The following TMPRSS15 variants were observed in gnomAD, a reference collection of about 807,000 sequenced individuals.
TMPRSS15 encodes the protein transmembrane serine protease 15, also known as enteropeptidase.
A neutral mutation model predicts 125.3 loss-of-function variants in TMPRSS15; 128 were observed. The ratio of observed to expected loss-of-function variants is 1.02; its 90% CI spans 0.89 to 1.18. The LOEUF (loss-of-function observed/expected upper bound fraction) is 1.18. TMPRSS15 is among the 50% of genes most tolerant of loss of function. The pLI is 0.00. For synonymous variants in TMPRSS15, 446 were observed against 423.2 expected, an observed-to-expected ratio of 1.05 and a Z score of -0.66; for missense variants, 1,283 against 1,212.7, an observed-to-expected ratio of 1.06 and a Z score of -0.86.
At chr21:18,416,947 C>A (rs945289899) in intron 1 of TMPRSS15, among the ~76,000 whole-genome samples, 1 of 152,000 alleles carries the variant, frequency 6.6e-6, no homozygotes, top group African/African-American at 2.4e-5. Context: ...TGGCAGTCAA[C>A]GTCAACTGTC....
At chr21:18,470,555 C>T (rs1221705094) in intron 1 of TMPRSS15, among the ~76,000 whole-genome samples, 5 of 152,056 alleles carry the variant, frequency 3.3e-5, no homozygotes, top group African/African-American at 1.2e-4. Flanking sequence ...AGCAGTATAT[C>T]TGAAAGTTTT....
Position 18,476,895 on chromosome 21 carries a change from TTCTC to T in TMPRSS15, c.10+8900_10+8903del, listed in dbSNP as rs74681988. 1.8e-3 allele frequency among the ~76,000 whole-genome samples: 276 copies of T among 150,072 alleles called. 2 individuals are homozygous for T. The highest frequency in any genetic ancestry group is 3.4e-3 in the Middle Eastern group (1 of 292). ...GTGCAGTGAGTGGGTACTTCTGCAATTCTCTCTCTCTTTTTTTTTTTATTCCAAT... is the reference window on the plus strand; with the variant it reads ...GTGCAGTGAGTGGGTACTTCTGCAATTCTCTCTTTTTTTTTTTATTCCAAT... On this transcript the variant is annotated intron_variant, in intron 1 of 7. Coordinates refer to the TMPRSS15 transcript ENST00000422787.
intron 1 of TMPRSS15, among the ~76,000 whole-genome samples, chr21:18,437,316 A>T (rs902700713): frequency 3.3e-5 from 5 of 152,130 alleles, no homozygotes; most frequent in Non-Finnish European, 7.3e-5. Flanking sequence ...TCTTATACAA[A>T]AATTAATTCA....
At chr21:18,475,637 C>G (rs759008891) in intron 1 of TMPRSS15, among the ~76,000 whole-genome samples, 1 of 152,010 alleles carries the variant, frequency 6.6e-6, no homozygotes, top group South Asian at 2.1e-4. Flanking sequence ...CCAGTCATTT[C>G]AAAAAGAGGG....
chr21:18,408,773 G>T (rs1177791793), upstream of TMPRSS15, among the ~76,000 whole-genome samples: 2 of 152,008 alleles, frequency 1.3e-5, no homozygotes, highest in Admixed American at 6.6e-5. Context: ...TATCATTGAG[G>T]ATTCTTAAGT....
At chr21:18,372,837 C>T (rs952785544) in intron 5 of TMPRSS15, among the ~76,000 whole-genome samples, 1 of 152,208 alleles carries the variant, frequency 6.6e-6, no homozygotes, top group Non-Finnish European at 1.5e-5. Flanking sequence ...AAACTTGCAC[C>T]TCTCAGCCTG....
intron 17 of TMPRSS15, among the ~76,000 whole-genome samples, chr21:18,313,496 A>G (rs1028522989): frequency 2.0e-5 from 3 of 151,664 alleles, no homozygotes; most frequent in African/African-American, 7.2e-5. Flanking sequence ...TCAAATATAC[A>G]GCAAATTTTT....
chr21:18,358,061 C>G (rs772314668), intron 8 of TMPRSS15, among the ~76,000 whole-genome samples: 8 of 151,594 alleles, frequency 5.3e-5, no homozygotes, highest in Non-Finnish European at 8.9e-5. Context: ...TATTCAGTTT[C>G]TTATTATATT....
chr21:18,397,289 T>C (rs890475989), intron 3 of TMPRSS15, among the ~76,000 whole-genome samples: 2 of 152,138 alleles, frequency 1.3e-5, no homozygotes, highest in African/African-American at 4.8e-5. Context: ...CAATTTTTTT[T>C]GTGACAAATA....
chr21:18,334,074 A>G (rs886704971), intron 13 of TMPRSS15, among the ~76,000 whole-genome samples: 4 of 152,218 alleles, frequency 2.6e-5, no homozygotes, highest in Non-Finnish European at 4.4e-5. Flanking sequence ...AAGTGTCTCT[A>G]CATCTATGAC....
At chr21:18,295,390 G>C (rs1290520527) in intron 19 of TMPRSS15, among the ~76,000 whole-genome samples, 1 of 152,114 alleles carries the variant, frequency 6.6e-6, no homozygotes, top group Non-Finnish European at 1.5e-5. Context: ...TAGAGTACTT[G>C]CTCCCACTAT....
chr21:18,402,497 C>T (rs1016268733), intron 1 of TMPRSS15, among the ~76,000 whole-genome samples: 13 of 135,196 alleles, frequency 9.6e-5, no homozygotes, highest in African/African-American at 3.4e-4. Flanking sequence ...CCACTGCACT[C>T]CAGCCTGGCG....
At chr21:18,338,498 A>C (rs2075415110) in intron 13 of TMPRSS15, among the ~76,000 whole-genome samples, 1 of 152,166 alleles carries the variant, frequency 6.6e-6, no homozygotes, top group South Asian at 2.1e-4. Flanking sequence ...CATATAATAA[A>C]TAGGTAGGGT....
intron 1 of TMPRSS15, among the ~76,000 whole-genome samples, chr21:18,417,787 C>T (rs531198561): frequency 7.9e-5 from 12 of 152,230 alleles, no homozygotes; most frequent in African/African-American, 2.9e-4. Context: ...TAGGAGAATG[C>T]TGTTATCAGA....
chr21:18,431,429 T>C (rs1339858238), intron 1 of TMPRSS15, among the ~76,000 whole-genome samples: 1 of 152,168 alleles, frequency 6.6e-6, no homozygotes, highest in African/African-American at 2.4e-5. Flanking sequence ...TGGTCCATTC[T>C]TTCTGTTTTC....
intron 3 of TMPRSS15, among the ~76,000 whole-genome samples, chr21:18,391,156 G>C (rs1346883929): frequency 6.6e-6 from 1 of 152,098 alleles, no homozygotes; most frequent in Non-Finnish European, 1.5e-5. Flanking sequence ...TTCTGCTTCA[G>C]GCCCCTCCCA....
chr21:18,348,486 A>G (rs2075532317), intron 10 of TMPRSS15, among the ~76,000 whole-genome samples: 1 of 152,212 alleles, frequency 6.6e-6, no homozygotes, highest in African/African-American at 2.4e-5. Flanking sequence ...ATGATTTGTA[A>G]ATACATATGT....
At chr21:18,444,929 C>T (rs1423060392) in intron 1 of TMPRSS15, among the ~76,000 whole-genome samples, 2 of 152,108 alleles carry the variant, frequency 1.3e-5, no homozygotes, top group South Asian at 2.1e-4. Context: ...TGAAATTCCA[C>T]ATGAGTGAGA....
intron 3 of TMPRSS15, among the ~76,000 whole-genome samples, chr21:18,384,193 G>A (rs2075921053): frequency 2.0e-5 from 3 of 152,062 alleles, no homozygotes; most frequent in African/African-American, 7.2e-5. Context: ...GGAAATCTAA[G>A]GTAGTTTCAC....
Sources: allele counts gnomAD v4.1 joint callset (sites outside exome capture counted in the v4.1 genomes callset), GRCh38; gene constraint gnomAD v4.1.1; transcripts MANE v1.5; gene names NCBI Gene and HGNC (gene_info 2026-07-23, HGNC 2026-07-21).